Variants in ERI3 observed in about 807,000 individuals in gnomAD.
ERI3 encodes ERI1 exoribonuclease family member 3.
Under a neutral mutation model 44.4 loss-of-function variants are expected in ERI3, and 18 were observed. The observed-to-expected ratio is 0.41, with a 90% CI of 0.28 to 0.60. ERI3 has a LOEUF of 0.60. Ranked by LOEUF, ERI3 falls within the 20% of genes least tolerant of loss-of-function variation. The probability of loss-of-function intolerance (pLI) is 0.36; values close to 1 mark genes in which losing one functional copy is unlikely to be tolerated. For missense variants in ERI3, 294 were observed against 435.5 expected, an observed-to-expected ratio of 0.68 and a Z score of 2.89; for synonymous variants, 183 against 164.8, an observed-to-expected ratio of 1.11 and a Z score of -0.84.
intron 7 of ERI3, among the ~76,000 whole-genome samples, chr1:44,268,382 T>A (rs192291559): frequency 3.9e-5 from 6 of 152,322 alleles, no homozygotes; most frequent in African/African-American, 1.4e-4. Context: ...GAGAGAAATG[T>A]CTTTATTAGG....
At chr1:44,311,703 G>A (rs1402376023) in intron 5 of ERI3, among the ~76,000 whole-genome samples, 1 of 152,098 alleles carries the variant, frequency 6.6e-6, no homozygotes, top group Non-Finnish European at 1.5e-5. Context: ...CCCAGAGCAA[G>A]TATCTTCCTC....
Position 44,330,049 on chromosome 1 carries a change from G to A in ERI3, c.489+8996C>T, listed in dbSNP as rs554327929. ...AGCATCTCTCTCAAGTACTGCATCC[G>A]TACCAGTCTCCCAACATACATTTTT... is the stretch of plus-strand genomic sequence containing the variant. On this transcript the variant is annotated intron_variant, in intron 3 of 8. Transcript: ENST00000372257. 3.9e-5 allele frequency among the ~76,000 whole-genome samples: 6 copies of A among 152,250 alleles called. No homozygotes were observed. In the South Asian group the frequency reaches 8.3e-4, roughly 21 times the overall value.
At chr1:44,233,404 TC>T (rs1202888527) in intron 8 of ERI3, among the ~76,000 whole-genome samples, 1 of 150,230 alleles carries the variant, frequency 6.7e-6, no homozygotes, top group African/African-American at 2.4e-5. Context: ...GATGTCACGT[TC>T]TTTTTTTTTT....
rs1430079956 is a variant in ERI3 at position 44,258,666 on chromosome 1, C to A, written c.832-10628G>T. 2.0e-5 allele frequency among the ~76,000 whole-genome samples: 3 copies of A among 152,234 alleles called. No homozygotes were observed. In the East Asian group the frequency reaches 5.8e-4, roughly 29 times the overall value. On this transcript the variant is annotated intron_variant, in intron 7 of 8. Coordinates refer to ENST00000372257, the MANE Select transcript of ERI3 (RefSeq NM_024066.3). ...ACTGAAGGAAATCAGCAAGAAGGACCCACACGGCCTTCAGTGGGCCATAGG... is the reference window on the plus strand; with the variant it reads ...ACTGAAGGAAATCAGCAAGAAGGACACACACGGCCTTCAGTGGGCCATAGG...
intron 8 of ERI3, among the ~76,000 whole-genome samples, chr1:44,231,825 G>A (rs1644191031): frequency 6.6e-6 from 1 of 152,206 alleles, no homozygotes; most frequent in South Asian, 2.1e-4. Context: ...TGAGACATGA[G>A]GGTAAGTTTG....
intron 5 of ERI3, among the ~76,000 whole-genome samples, chr1:44,311,112 C>T (rs1289612632): frequency 1.3e-5 from 2 of 151,730 alleles, no homozygotes; most frequent in Non-Finnish European, 2.9e-5. Flanking sequence ...CCCCCAAGCT[C>T]ACTGTTTTAT....
chr1:44,267,799 A>C lies in ERI3; in HGVS notation c.831+17036T>G, dbSNP rs116533390. The stretch of plus-strand genomic sequence containing the variant: ...CTTGGGTTCATGCCTGTGCAAACTC[A>C]AGCCTACCTGCCCACACCCACACAA... On this transcript the variant is annotated intron_variant, in intron 7 of 8. Transcript: ENST00000372257. 7.0e-3 allele frequency among the ~76,000 whole-genome samples: 1,063 copies of C among 152,274 alleles called. 8 individuals carry two copies. The highest frequency in any genetic ancestry group is 0.024 in the African/African-American group (983 of 41,544).
In ERI3 at chr1:44,355,061, C is replaced by T. The variant is rs767941183; in HGVS notation, c.-35G>A. On this transcript the variant is annotated 5_prime_UTR_variant, in exon 1 of 9. Transcript: ENST00000372257. ...CCCTCCTCGGGGCCAGCGCGGCAGG[C>T]TCCCTCCAGGTGCAGGCCCCGACGT... 1.5e-6 allele frequency: 2 copies of T among 1,345,754 alleles called. No homozygotes were observed. Among genetic ancestry groups the T allele is most frequent in the East Asian group, 2.9e-5 (1 of 34,268 alleles). The allele number at this position is 1,345,754 out of a possible 1,614,324, so 83.4% of individuals were successfully genotyped here.
At chr1:44,354,792 G>T in intron 1 of ERI3, 100 bp downstream of exon 1, 2 of 1,286,372 alleles carry the variant, frequency 1.6e-6, no homozygotes, top group Admixed American at 3.5e-5. Context: ...TAAGCACATG[G>T]GCCAGCACCC....
chr1:44,313,532 T>C lies in ERI3; in HGVS notation c.607-304A>G, dbSNP rs1320467949. Among the ~76,000 whole-genome samples, 8 of 152,240 alleles carry C rather than the reference T, an allele frequency of 5.3e-5. 1 individual carries two copies. The highest frequency in any genetic ancestry group is 5.2e-4 in the Admixed American group (8 of 15,288). On this transcript the variant is annotated intron_variant, in intron 4 of 8. Transcript: ENST00000372257. ...CTCACACCTGTTTCAGCTTTCAGTT[T>C]GCAAACAAATTGATGTTACATGTCT...
At chr1:44,223,217 G>T (rs77020788) in intron 8 of ERI3, among the ~76,000 whole-genome samples, 1 of 152,118 alleles carries the variant, frequency 6.6e-6, no homozygotes, top group Non-Finnish European at 1.5e-5. Context: ...AACTCCAGAC[G>T]TGACCCATCC....
intron 8 of ERI3, among the ~76,000 whole-genome samples, chr1:44,236,654 C>T (rs570428277): frequency 1.3e-4 from 19 of 151,716 alleles, no homozygotes; most frequent in African/African-American, 2.9e-4. Flanking sequence ...GAGGGAAGGG[C>T]GTGGAGTGTG....
intron 8 of ERI3, among the ~76,000 whole-genome samples, chr1:44,242,270 G>A (rs1469627887): frequency 6.6e-6 from 1 of 152,212 alleles, no homozygotes; most frequent in Non-Finnish European, 1.5e-5. Context: ...GCCAAAGCTG[G>A]GGGAAGCAGG....
intron 7 of ERI3, chr1:44,256,735 G>C (rs574157448): frequency 1.2e-4 from 18 of 152,386 alleles, no homozygotes; most frequent in Admixed American, 1.0e-3. Flanking sequence ...GGTCCCAGGA[G>C]TGGAAGACAG....
chr1:44,247,415 G>A lies in ERI3; in HGVS notation c.931+524C>T, dbSNP rs533386258. Among the ~76,000 whole-genome samples the A allele has an allele frequency of 2.6e-5, 4 of 152,258 alleles. No individual in the cohort carries two copies. In the East Asian group the frequency reaches 5.8e-4, roughly 22 times the overall value. On this transcript the variant is annotated intron_variant, in intron 8 of 8. Transcript: ENST00000372257. ...AGTGGACCCCCTCAACCCAGGCACC[G>A]CTCAATGGAGGCTGCTGCTCCTGCG...
intron 8 of ERI3, among the ~76,000 whole-genome samples, chr1:44,229,770 A>AT (rs1553180446): frequency 2.0e-5 from 3 of 152,134 alleles, no homozygotes; most frequent in Non-Finnish European, 4.4e-5. Context: ...GGGTGCATAC[A>AT]CCTTTGGGCT....
At chr1:44,276,981 C>T (rs1645191912) in intron 7 of ERI3, among the ~76,000 whole-genome samples, 1 of 152,224 alleles carries the variant, frequency 6.6e-6, no homozygotes, top group South Asian at 2.1e-4. Flanking sequence ...ATCCTCAACA[C>T]TGCATAGAAA....
At chr1:44,344,455 G>A (rs773914714) in intron 2 of ERI3, among the ~76,000 whole-genome samples, 1 of 151,976 alleles carries the variant, frequency 6.6e-6, no homozygotes, top group East Asian at 1.9e-4. Flanking sequence ...CTATCCAGCC[G>A]AGTTTCCATC....
At chr1:44,247,091 TAC>T (rs1644570267) in intron 8 of ERI3, among the ~76,000 whole-genome samples, 1 of 152,120 alleles carries the variant, frequency 6.6e-6, no homozygotes, top group Non-Finnish European at 1.5e-5. Context: ...ACCTGACAGA[TAC>T]ACACACAGAT....
Sources: gnomAD v4.1 joint callset for allele counts (sites outside exome capture counted in the v4.1 genomes callset) on GRCh38, gnomAD v4.1.1 for gene constraint, MANE v1.5 for transcripts, NCBI Gene and HGNC (gene_info 2026-07-23, HGNC 2026-07-21) for gene names.